The following PRSS23 variants were observed in gnomAD, a reference collection of about 807,000 sequenced individuals.
PRSS23 encodes the protein serine protease 23.
In PRSS23, 25 loss-of-function variants were observed where a neutral mutation model predicts 34.7. The ratio of observed to expected loss-of-function variants is 0.72; its 90% CI spans 0.53 to 1.01. The LOEUF is 1.01. PRSS23 is among the 50% of genes least tolerant of loss of function. PRSS23 has a pLI of 0.00. For missense variants in PRSS23, 445 were observed against 475.6 expected, an observed-to-expected ratio of 0.94 and a Z score of 0.60; for synonymous variants, 176 against 186.6, an observed-to-expected ratio of 0.94 and a Z score of 0.46.
chr11:86,926,782 T>C (rs1027944934), intron 2 of PRSS23, among the ~76,000 whole-genome samples: 3 of 152,326 alleles, frequency 2.0e-5, no homozygotes, highest in South Asian at 2.1e-4. Flanking sequence ...CTCGCATTTT[T>C]CCCCTCCATC....
At chr11:86,858,180 T>C (rs1257011622) in intron 2 of PRSS23, among the ~76,000 whole-genome samples, 1 of 152,004 alleles carries the variant, frequency 6.6e-6, no homozygotes, top group Non-Finnish European at 1.5e-5. Context: ...TCTCCTAATA[T>C]GGTAGGGGTT....
chr11:86,950,619 A>C (rs1197520612), intron 2 of PRSS23: 1 of 188,944 alleles, frequency 5.3e-6, no homozygotes, highest in Non-Finnish European at 1.1e-5. Context: ...AGCGCACCAC[A>C]GAAGATGTTT....
chr11:86,852,970 C>CA (rs1948541280), intron 2 of PRSS23, among the ~76,000 whole-genome samples: 1 of 152,072 alleles, frequency 6.6e-6, no homozygotes, highest in South Asian at 2.1e-4. Context: ...TCTTGTGTCT[C>CA]AGTCTCCGGA....
intron 2 of PRSS23, among the ~76,000 whole-genome samples, chr11:86,888,445 T>C (rs1948819987): frequency 6.6e-6 from 1 of 152,184 alleles, no homozygotes; most frequent in Non-Finnish European, 1.5e-5. Context: ...AGAATCACTC[T>C]AAATCCAAGC....
intron 2 of PRSS23, among the ~76,000 whole-genome samples, chr11:86,824,453 T>G (rs1948282734): frequency 6.7e-6 from 1 of 150,232 alleles, no homozygotes; most frequent in Non-Finnish European, 1.5e-5. Context: ...TGGAACCCAG[T>G]CTTTTTATCT....
intron 2 of PRSS23, among the ~76,000 whole-genome samples, chr11:86,868,731 A>C (rs572499647): frequency 1.3e-5 from 2 of 152,196 alleles, no homozygotes; most frequent in Non-Finnish European, 2.9e-5. Context: ...GGCAGCTTGC[A>C]TAGAGGGAAG....
intron 2 of PRSS23, among the ~76,000 whole-genome samples, chr11:86,826,853 A>G (rs1215651503): frequency 1.3e-5 from 2 of 152,164 alleles, no homozygotes; most frequent in South Asian, 2.1e-4. Context: ...CCACTTGATC[A>G]TGGTGGATAA....
In PRSS23 at chr11:86,808,125, C is replaced by T; in HGVS notation, c.482C>T (p.Thr161Ile). ...STSVKLSTGC[T>I]GTLVAEKHVL... is the part of the protein sequence containing the mutation. ...TCAGTGAAGTTATCCACGGGCTGCA[C>T]CGGCACCCTGGTGGCAGAGAAGCAT... The change falls in exon 2 of 2, where the codon ACC becomes ATC. Residue 161 changes from threonine (T) to isoleucine (I), a missense_variant. Transcript: ENST00000280258. 6.2e-7 allele frequency: 1 copy of T among 1,614,208 alleles called. No homozygotes were observed.
At chr11:86,850,285 A>G (rs1297518194) in intron 2 of PRSS23, among the ~76,000 whole-genome samples, 1 of 152,162 alleles carries the variant, frequency 6.6e-6, no homozygotes, top group Non-Finnish European at 1.5e-5. Flanking sequence ...GTCCCTCATT[A>G]GCCTAGAAAG....
chr11:86,859,804 G>T (rs1765938199), intron 2 of PRSS23, among the ~76,000 whole-genome samples: 1 of 151,882 alleles, frequency 6.6e-6, no homozygotes, highest in Admixed American at 6.6e-5. Flanking sequence ...TACAGGGTGG[G>T]GAAGAATGTT....
At chr11:86,899,258 C>T (rs1214573315) in intron 2 of PRSS23, among the ~76,000 whole-genome samples, 3 of 152,126 alleles carry the variant, frequency 2.0e-5, no homozygotes, top group South Asian at 4.1e-4. Context: ...GCTTCTCACA[C>T]CTGTAATACC....
rs1054993839 is a variant in PRSS23 at position 86,833,259 on chromosome 11, G to T, written c.206+9666G>T. 5.7e-6 allele frequency: 9 copies of T among 1,577,710 alleles called. No individual in the cohort carries two copies. The African/African-American group carries it at 1.2e-4, about 21-fold the overall frequency. On this transcript the variant is annotated intron_variant, in intron 2 of 2. Coordinates refer to the PRSS23 transcript ENST00000533902. The stretch of plus-strand genomic sequence containing the variant: ...TGGAGGTGAAACCGATGTCAGCCAA[G>T]GACAGGTTGGAGAGGAAGAAGTACA...
chr11:86,857,192 C>A, intron 2 of PRSS23: 2 of 334,480 alleles, frequency 6.0e-6, no homozygotes, highest in East Asian at 8.1e-5. Context: ...GCCACCACTC[C>A]ATTCCTGGGA....
At chr11:86,854,521 A>G (rs1022288268) in intron 2 of PRSS23, among the ~76,000 whole-genome samples, 5 of 152,212 alleles carry the variant, frequency 3.3e-5, no homozygotes, top group African/African-American at 1.2e-4. Context: ...ATTTAGATGT[A>G]ATCCAAGGAA....
chr11:86,859,457 C>T (rs1313970471), intron 2 of PRSS23, among the ~76,000 whole-genome samples: 3 of 151,934 alleles, frequency 2.0e-5, no homozygotes, highest in Non-Finnish European at 4.4e-5. Flanking sequence ...CTCCCAATAT[C>T]GTAGAAAGTG....
intron 2 of PRSS23, among the ~76,000 whole-genome samples, chr11:86,883,007 G>C (rs1948781309): frequency 6.6e-6 from 1 of 152,010 alleles, no homozygotes; most frequent in Non-Finnish European, 1.5e-5. Flanking sequence ...TCTTCTTTTA[G>C]GAAGTATCTG....
intron 2 of PRSS23, among the ~76,000 whole-genome samples, chr11:86,876,435 GAAT>G (rs1260982119): frequency 6.6e-6 from 1 of 152,214 alleles, no homozygotes; most frequent in African/African-American, 2.4e-5. Flanking sequence ...GTTATGATGA[GAAT>G]AATAATAACC....
chr11:86,908,731 A>C (rs1948959335), intron 2 of PRSS23, among the ~76,000 whole-genome samples: 1 of 152,092 alleles, frequency 6.6e-6, no homozygotes, highest in African/African-American at 2.4e-5. Flanking sequence ...TCAGACGTGA[A>C]AGTGGTGTGA....
At chr11:86,882,643 A>G (rs973823568) in intron 2 of PRSS23, among the ~76,000 whole-genome samples, 2 of 152,136 alleles carry the variant, frequency 1.3e-5, no homozygotes, top group Non-Finnish European at 2.9e-5. Context: ...TGCTATTGTG[A>G]ATAGTGCTGC....
Sources: gnomAD v4.1 joint callset for allele counts (sites outside exome capture counted in the v4.1 genomes callset) on GRCh38, gnomAD v4.1.1 for gene constraint, MANE v1.5 for transcripts, NCBI Gene and HGNC (gene_info 2026-07-23, HGNC 2026-07-21) for gene names.